LRRTM4: variants seen among roughly 807,000 people sequenced by gnomAD.
The protein encoded by LRRTM4 is leucine rich repeat transmembrane neuronal 4.
A neutral mutation model predicts 47.6 loss-of-function variants in LRRTM4; 25 were observed. The observed-to-expected ratio is 0.53, with a 90% CI of 0.38 to 0.73. The LOEUF (loss-of-function observed/expected upper bound fraction) is 0.73, where lower values mean the gene tolerates loss of function less well. LRRTM4 is among the 30% of genes least tolerant of loss of function. The probability of loss-of-function intolerance (pLI) is 0.00; values close to 1 mark genes in which losing one functional copy is unlikely to be tolerated. For missense variants in LRRTM4, 638 were observed against 713.4 expected, an observed-to-expected ratio of 0.89 and a Z score of 1.20; for synonymous variants, 311 against 269.5, an observed-to-expected ratio of 1.15 and a Z score of -1.51.
At chr2:76,924,051 G>C (rs1674513952) in intron 3 of LRRTM4, among the ~76,000 whole-genome samples, 1 of 151,984 alleles carries the variant, frequency 6.6e-6, no homozygotes, top group African/African-American at 2.4e-5. Flanking sequence ...AATATGTGCT[G>C]ACATTTCTTA....
At chr2:77,316,074 CT>C (rs1677609538) in intron 3 of LRRTM4, among the ~76,000 whole-genome samples, 2 of 152,170 alleles carry the variant, frequency 1.3e-5, no homozygotes, top group South Asian at 4.1e-4. Flanking sequence ...AAATCAACTT[CT>C]GTCTGTCCAT....
chr2:76,991,365 T>G (rs539002420), intron 3 of LRRTM4, among the ~76,000 whole-genome samples: 7 of 151,770 alleles, frequency 4.6e-5, no homozygotes, highest in Non-Finnish European at 8.9e-5. Context: ...ATTTATTGTT[T>G]GAAAGGACAA....
chr2:77,108,585 T>C (rs2103928235), intron 3 of LRRTM4, among the ~76,000 whole-genome samples: 1 of 148,352 alleles, frequency 6.7e-6, no homozygotes. Context: ...ATTCTTTTTT[T>C]TTTTTTCTTT....
Position 77,130,824 on chromosome 2 carries a change from A to ATTTTTTTTTTTTT in LRRTM4, c.1552-381921_1552-381909dup. ...CCGTGCCCGGCCAATTATTTGTTCT[A>ATTTTTTTTTTTTT]TTTTTTTTTTTTTTTTTTTTTTTTT... is the stretch of plus-strand genomic sequence containing the variant. On this transcript the variant is annotated intron_variant, in intron 3 of 3. Coordinates refer to ENST00000409884, the MANE Select transcript of LRRTM4 (RefSeq NM_001134745.3). Among the ~76,000 whole-genome samples, 26 of 35,622 alleles carry ATTTTTTTTTTTTT rather than the reference A, an allele frequency of 7.3e-4. 1 individual carries two copies. Among genetic ancestry groups the ATTTTTTTTTTTTT allele is most frequent in the Admixed American group, 9.2e-4 (2 of 2,170 alleles). 23.4% of individuals were successfully genotyped at this position (35,622 alleles called of 152,430 possible).
At chr2:77,219,631 A>G (rs544236128) in intron 3 of LRRTM4, among the ~76,000 whole-genome samples, 1 of 152,326 alleles carries the variant, frequency 6.6e-6, no homozygotes, top group East Asian at 1.9e-4. Context: ...GACTTCCCTG[A>G]CATTTTTGCA....
chr2:77,231,102 G>T (rs1194789331), intron 3 of LRRTM4, among the ~76,000 whole-genome samples: 1 of 151,944 alleles, frequency 6.6e-6, no homozygotes, highest in African/African-American at 2.4e-5. Flanking sequence ...ATTTAACGTG[G>T]ATGTCTAAAT....
intron 3 of LRRTM4, among the ~76,000 whole-genome samples, chr2:76,873,932 G>C (rs972463782): frequency 1.3e-5 from 2 of 151,752 alleles, no homozygotes; most frequent in Non-Finnish European, 2.9e-5. Context: ...ATTTTATAAA[G>C]TTAATTTTTC....
chr2:76,954,626 A>G (rs1286190747), intron 3 of LRRTM4, among the ~76,000 whole-genome samples: 1 of 151,886 alleles, frequency 6.6e-6, no homozygotes. Context: ...GCTTACTTGG[A>G]CAAGTATTGG....
At chr2:77,367,418 A>C (rs987671685) in intron 3 of LRRTM4, among the ~76,000 whole-genome samples, 1 of 151,854 alleles carries the variant, frequency 6.6e-6, no homozygotes. Context: ...TTGAATTATT[A>C]ACAACTTGTT....
chr2:77,163,797 C>T (rs996783741), intron 3 of LRRTM4, among the ~76,000 whole-genome samples: 5 of 152,162 alleles, frequency 3.3e-5, no homozygotes, highest in Admixed American at 6.5e-5. Flanking sequence ...CTTACAAGAG[C>T]TCCTGAAGAA....
At chr2:77,340,969 T>C (rs1255667002) in intron 3 of LRRTM4, among the ~76,000 whole-genome samples, 2 of 152,048 alleles carry the variant, frequency 1.3e-5, no homozygotes, top group East Asian at 3.9e-4. Context: ...GAAACCCTGA[T>C]ATAAAGCATT....
intron 3 of LRRTM4, among the ~76,000 whole-genome samples, chr2:77,074,580 A>G (rs1680271212): frequency 6.6e-6 from 1 of 152,050 alleles, no homozygotes; most frequent in Non-Finnish European, 1.5e-5. Flanking sequence ...TGCCTTACCC[A>G]TTTTTACATA....
At chr2:77,102,589 T>C (rs567891032) in intron 3 of LRRTM4, among the ~76,000 whole-genome samples, 10 of 152,180 alleles carry the variant, frequency 6.6e-5, no homozygotes, top group Non-Finnish European at 1.5e-4. Flanking sequence ...ATCAAAGATA[T>C]ATAATACCAT....
At chr2:77,327,696 C>T (rs1230669173) in intron 3 of LRRTM4, among the ~76,000 whole-genome samples, 1 of 152,118 alleles carries the variant, frequency 6.6e-6, no homozygotes, top group African/African-American at 2.4e-5. Context: ...CCTACCTTCT[C>T]TAGACAGTAC....
rs1314294599 is a variant in LRRTM4, at chr2:77,413,743, C to G, written c.1551+104575G>C. Reference sequence around the variant, plus strand: ...TCTCTCCCCCAACCAGAAAAAAATGCACACTATCACCTAATGGAATGAAAT... The same window carrying G: ...TCTCTCCCCCAACCAGAAAAAAATGGACACTATCACCTAATGGAATGAAAT... On this transcript the variant is annotated intron_variant, in intron 3 of 3. Coordinates refer to ENST00000409884, the MANE Select transcript of LRRTM4 (RefSeq NM_001134745.3). Among the ~76,000 whole-genome samples, 3 of 152,110 alleles carry G rather than the reference C, an allele frequency of 2.0e-5. No individual in the cohort carries two copies. The East Asian group carries it at 5.8e-4, about 29-fold the overall frequency.
chr2:77,323,233 GA>G (rs1670614037), intron 3 of LRRTM4, among the ~76,000 whole-genome samples: 1 of 152,114 alleles, frequency 6.6e-6, no homozygotes, highest in Non-Finnish European at 1.5e-5. Context: ...TTAAATGCCA[GA>G]AATTTTTCCC....
chr2:76,920,828 T>G (rs114437561), intron 3 of LRRTM4, among the ~76,000 whole-genome samples: 1,652 of 152,238 alleles, frequency 0.011, 36 homozygotes, highest in African/African-American at 0.038. Context: ...CTACTATATT[T>G]TAATTAAATA....
At chr2:77,024,682 C>A (rs1452583550) in intron 3 of LRRTM4, among the ~76,000 whole-genome samples, 1 of 152,060 alleles carries the variant, frequency 6.6e-6, no homozygotes, top group African/African-American at 2.4e-5. Context: ...TCACTTAACA[C>A]TTTTCCAGTT....
chr2:77,004,546 G>A (rs1305127783), intron 3 of LRRTM4, among the ~76,000 whole-genome samples: 2 of 152,188 alleles, frequency 1.3e-5, no homozygotes, highest in Non-Finnish European at 2.9e-5. Context: ...CTACAGTGGT[G>A]GTGCCCTCAT....
Sources: allele counts gnomAD v4.1 joint callset (sites outside exome capture counted in the v4.1 genomes callset), GRCh38; gene constraint gnomAD v4.1.1; transcripts MANE v1.5; gene names NCBI Gene and HGNC (gene_info 2026-07-23, HGNC 2026-07-21).